PCDHA5: variants seen among roughly 807,000 people sequenced by gnomAD.
PCDHA5 encodes protocadherin alpha 5.
A neutral mutation model predicts 61.6 loss-of-function variants in PCDHA5; 43 were observed. The observed-to-expected ratio is 0.70, with a 90% CI of 0.55 to 0.90. The LOEUF is 0.90. Among genes scored for constraint, PCDHA5 ranks in the 40% least tolerant of loss-of-function variants. The pLI, the probability that PCDHA5 is intolerant of heterozygous loss-of-function variation, is 0.00. For missense variants in PCDHA5, 1,298 were observed against 1,222.7 expected (o/e 1.06, Z -0.92); for synonymous variants, 627 against 543.9 (o/e 1.15, Z -2.13).
intron 1 of PCDHA5, among the ~76,000 whole-genome samples, chr5:140,826,339 AC>A (rs1178030684): frequency 1.3e-5 from 2 of 152,118 alleles, no homozygotes; most frequent in Non-Finnish European, 1.5e-5. Context: ...AAGAAATTGA[AC>A]CCTTTGTTTG....
chr5:140,957,014 G>A (rs2095325954), intron 1 of PCDHA5, among the ~76,000 whole-genome samples: 1 of 152,124 alleles, frequency 6.6e-6, no homozygotes, highest in South Asian at 2.1e-4. Flanking sequence ...ATTTCTCAGT[G>A]AGCATTTAGA....
chr5:140,875,586 G>T, intron 1 of PCDHA5: 1 of 1,614,024 alleles, frequency 6.2e-7, no homozygotes, highest in South Asian at 1.1e-5. Flanking sequence ...TCTACGAGGA[G>T]GCCAAACACG....
intron 1 of PCDHA5, among the ~76,000 whole-genome samples, chr5:140,947,543 G>T (rs1013985097): frequency 6.6e-5 from 10 of 151,548 alleles, no homozygotes; most frequent in Non-Finnish European, 1.2e-4. Flanking sequence ...TTTCTACAAA[G>T]AATTCCGCTG....
chr5:140,969,880 A>G (rs1365035569), intron 1 of PCDHA5, among the ~76,000 whole-genome samples: 2 of 152,238 alleles, frequency 1.3e-5, no homozygotes, highest in Non-Finnish European at 2.9e-5. Flanking sequence ...CCTATGTGAT[A>G]GGATCCTCTG....
chr5:140,829,833 T>A, intron 1 of PCDHA5: 6 of 1,613,890 alleles, frequency 3.7e-6, no homozygotes, highest in Non-Finnish European at 5.1e-6. Flanking sequence ...AGCGAGCTGG[T>A]GCCGCGGTCA....
chr5:140,828,172 G>T, intron 1 of PCDHA5: 4 of 1,614,172 alleles, frequency 2.5e-6, no homozygotes, highest in South Asian at 2.2e-5. Context: ...GGAAGGTGGG[G>T]AGCGGCCAGC....
intron 1 of PCDHA5, chr5:140,853,603 G>T (rs1358386755): frequency 1.0e-6 from 1 of 987,254 alleles, no homozygotes; most frequent in Non-Finnish European, 1.2e-6. Context: ...GAGAGCAAAG[G>T]GGGTGCTGTA....
intron 1 of PCDHA5, chr5:140,928,158 A>T: frequency 1.2e-6 from 2 of 1,614,066 alleles, no homozygotes; most frequent in Non-Finnish European, 1.7e-6. Flanking sequence ...ATAGTGGCTC[A>T]CCCCCACTTA....
At chr5:140,938,606 T>G (rs2092130259) in intron 1 of PCDHA5, among the ~76,000 whole-genome samples, 1 of 152,166 alleles carries the variant, frequency 6.6e-6, no homozygotes, top group African/African-American at 2.4e-5. Flanking sequence ...AATCTTGCAT[T>G]CTTGGAATAA....
At chr5:140,975,823 G>A (rs1239122577) in intron 1 of PCDHA5, among the ~76,000 whole-genome samples, 2 of 152,164 alleles carry the variant, frequency 1.3e-5, no homozygotes, top group Non-Finnish European at 2.9e-5. Context: ...AGGAACTGAA[G>A]TGTATTCTTA....
intron 1 of PCDHA5, among the ~76,000 whole-genome samples, chr5:140,905,949 A>T (rs897929607): frequency 2.0e-5 from 3 of 152,242 alleles, no homozygotes; most frequent in African/African-American, 7.2e-5. Context: ...TTGGAATCCG[A>T]TGTTCAAGGG....
In PCDHA5 at chr5:141,010,896, A is replaced by G. The variant is rs1433932699; in HGVS notation, c.*959A>G. 6.5e-6 allele frequency: 1 copy of G among 153,790 alleles called. No individual in the cohort carries two copies. The highest frequency in any genetic ancestry group is 1.5e-5 in the Non-Finnish European group (1 of 68,052). The allele number at this position is 153,790 out of a possible 1,614,324, so 9.5% of individuals were successfully genotyped here. A position where few individuals can be genotyped will look rare whatever the true frequency, so the allele number is the denominator to read the frequency against. Reference sequence around the variant, plus strand: ...ATCTTTAAAGAGAAATATGAATACAATTCCCCTAAACTCTCCTCAAAAGAG... The same window carrying G: ...ATCTTTAAAGAGAAATATGAATACAGTTCCCCTAAACTCTCCTCAAAAGAG... On this transcript the variant is annotated 3_prime_UTR_variant, in exon 4 of 4. Coordinates refer to ENST00000529859, the MANE Select transcript of PCDHA5 (RefSeq NM_018908.3).
At chr5:141,006,077 T>C (rs1554260547) in intron 3 of PCDHA5, among the ~76,000 whole-genome samples, 1 of 150,908 alleles carries the variant, frequency 6.6e-6, no homozygotes, top group East Asian at 1.9e-4. Flanking sequence ...ATCAGATTAT[T>C]GAAGGGACTT....
intron 1 of PCDHA5, among the ~76,000 whole-genome samples, chr5:140,946,634 A>ATATATATATAT (rs1554217761): frequency 2.7e-5 from 4 of 147,312 alleles, no homozygotes; most frequent in African/African-American, 7.7e-5. Context: ...ATATATATAC[A>ATATATATATAT]ATGGAATACT....
chr5:140,835,653 G>A, intron 1 of PCDHA5: 1 of 1,613,930 alleles, frequency 6.2e-7, no homozygotes, highest in Non-Finnish European at 8.5e-7. Context: ...CTATGAGCTG[G>A]TGGTTACCGC....
At chr5:140,913,288 T>C (rs1452332608) in intron 1 of PCDHA5, among the ~76,000 whole-genome samples, 1 of 152,172 alleles carries the variant, frequency 6.6e-6, no homozygotes, top group Non-Finnish European at 1.5e-5. Context: ...GTTTAGGTTT[T>C]AATTTCTTCA....
At chr5:140,871,651 T>C (rs1415489448) in intron 1 of PCDHA5, 20 of 1,258,470 alleles carry the variant, frequency 1.6e-5, no homozygotes, top group Non-Finnish European at 1.9e-5. Flanking sequence ...TACCAAATGA[T>C]ACACATCTTC....
intron 3 of PCDHA5, among the ~76,000 whole-genome samples, chr5:140,991,199 C>G (rs1554252002): frequency 6.6e-6 from 1 of 152,150 alleles, no homozygotes; most frequent in East Asian, 1.9e-4. Context: ...CAATGATGCT[C>G]AATAAATTTT....
intron 1 of PCDHA5, among the ~76,000 whole-genome samples, chr5:140,904,653 A>AGT (rs2071298480): frequency 6.6e-6 from 1 of 152,104 alleles, no homozygotes; most frequent in Non-Finnish European, 1.5e-5. Context: ...TGTTTTCCAT[A>AGT]GTGGTTGTAC....
Sources: allele counts gnomAD v4.1 joint callset (sites outside exome capture counted in the v4.1 genomes callset), GRCh38; gene constraint gnomAD v4.1.1; transcripts MANE v1.5; gene names NCBI Gene and HGNC (gene_info 2026-07-23, HGNC 2026-07-21).